The following WNK2 variants were observed in gnomAD, a reference collection of about 807,000 sequenced individuals.
WNK2 encodes serine/threonine-protein kinase WNK2.
A neutral mutation model predicts 192.1 loss-of-function variants in WNK2; 67 were observed. That is an observed-to-expected ratio of 0.35 (90% CI 0.29 to 0.43). WNK2 has a LOEUF of 0.43. Ranked by LOEUF, WNK2 falls within the 20% of genes least tolerant of loss-of-function variation. WNK2 has a pLI of 1.00. For missense variants in WNK2, 2,698 were observed against 3,089.7 expected, an observed-to-expected ratio of 0.87 and a Z score of 3.01; for synonymous variants, 1,439 against 1,393.9, an observed-to-expected ratio of 1.03 and a Z score of -0.72.
At chr9:93,194,311 C>T (rs1294486512) in intron 2 of WNK2, among the ~76,000 whole-genome samples, 1 of 152,098 alleles carries the variant, frequency 6.6e-6, no homozygotes, top group African/African-American at 2.4e-5. Context: ...TGCAAATGAC[C>T]CATCTGCTTA....
intron 7 of WNK2, among the ~76,000 whole-genome samples, chr9:93,246,965 T>C (rs1841815745): frequency 6.6e-6 from 1 of 152,254 alleles, no homozygotes; most frequent in African/African-American, 2.4e-5. Flanking sequence ...GCTCATGATG[T>C]TTCCTGGAGA....
intron 2 of WNK2, among the ~76,000 whole-genome samples, chr9:93,188,803 C>T (rs956626036): frequency 6.6e-6 from 1 of 152,190 alleles, no homozygotes; most frequent in Non-Finnish European, 1.5e-5. Context: ...CTGGCCTGAC[C>T]TTCTACAAGA....
chr9:93,208,741 G>GTTCTTCGTGTGTGTGTTA (rs796770382), intron 2 of WNK2, among the ~76,000 whole-genome samples: 1 of 4,482 alleles, frequency 2.2e-4, no homozygotes, highest in Non-Finnish European at 2.7e-3. Flanking sequence ...TTCTGTGTGT[G>GTTCTTCGTGTGTGTGTTA]TTCATGTGTG....
intron 27 of WNK2, chr9:93,308,029 G>A: frequency 4.5e-6 from 2 of 440,970 alleles, no homozygotes; most frequent in Non-Finnish European, 8.1e-6. Context: ...TCTGGGGATG[G>A]GCAGCGGTGG....
intron 6 of WNK2, among the ~76,000 whole-genome samples, 155 bp downstream of exon 6, chr9:93,238,476 C>T (rs1040239060): frequency 2.0e-5 from 3 of 152,212 alleles, no homozygotes; most frequent in Non-Finnish European, 2.9e-5. Context: ...GTGAGCATGT[C>T]GGCCCTGAGT....
chr9:93,299,114 G>A lies in WNK2; in HGVS notation c.5968G>A (p.Ala1990Thr). ...SSRGPPAKDP[A>T]QASVGLTADS... ...CAGAGGCCCTCCCGCTAAGGACCCT[G>A]CCCAAGCCAGTGTGGGGCTCACTGC... Residue 1990 changes from alanine to threonine, a missense_variant, in exon 25 of 30, where the codon GCC (alanine) becomes ACC (threonine). Physicochemically the swap from Ala to Thr is moderately conservative, Grantham distance 58. This residue lies in a region of WNK2 where 1,098 missense variants were observed against 1,101.0 expected (regional missense o/e 1.00). Coordinates refer to ENST00000427277, the MANE Select transcript of WNK2 (RefSeq NM_006648.4). 2.5e-6 allele frequency: 4 copies of A among 1,611,704 alleles called. No individual in the cohort carries two copies. The highest frequency in any genetic ancestry group is 3.4e-6 in the Non-Finnish European group (4 of 1,179,682).
At chr9:93,232,713 T>C (rs1839041914) in intron 4 of WNK2, among the ~76,000 whole-genome samples, 1 of 152,122 alleles carries the variant, frequency 6.6e-6, no homozygotes, top group Non-Finnish European at 1.5e-5. Context: ...CAGGTTGAGA[T>C]GAAGGCCAGG....
intron 5 of WNK2, among the ~76,000 whole-genome samples, chr9:93,235,911 T>A (rs1839744813): frequency 6.6e-6 from 1 of 152,218 alleles, no homozygotes; most frequent in South Asian, 2.1e-4. Flanking sequence ...CCTTGCAGAT[T>A]ACCTGCATTT....
chr9:93,262,166 T>G (rs75905684), intron 13 of WNK2, 59 bp downstream of exon 13: 3 of 1,510,004 alleles, frequency 2.0e-6, no homozygotes, highest in Admixed American at 2.0e-5. Flanking sequence ...ACCGGGGATC[T>G]GCATAGTGAC....
At chr9:93,222,687 G>T (rs566502275) in intron 2 of WNK2, among the ~76,000 whole-genome samples, 1 of 152,234 alleles carries the variant, frequency 6.6e-6, no homozygotes, top group South Asian at 2.1e-4. Flanking sequence ...TTATAATGAT[G>T]TCCTTTTTTT....
intron 2 of WNK2, among the ~76,000 whole-genome samples, chr9:93,226,880 G>A (rs1024982300): frequency 2.6e-5 from 4 of 152,256 alleles, no homozygotes; most frequent in Admixed American, 6.5e-5. Context: ...CAAATGTTTC[G>A]GTGGTTTCCA....
At chr9:93,293,350 C>T (rs1464555340) in intron 23 of WNK2, among the ~76,000 whole-genome samples, 177 bp downstream of exon 23, 2 of 148,566 alleles carry the variant, frequency 1.3e-5, no homozygotes, top group Non-Finnish European at 3.0e-5. Flanking sequence ...GAGACAGTCT[C>T]GCTCTGTCAC....
intron 2 of WNK2, among the ~76,000 whole-genome samples, chr9:93,227,039 C>T (rs34386105): frequency 0.037 from 5,646 of 151,940 alleles, 146 homozygotes; most frequent in Non-Finnish European, 0.06. Flanking sequence ...CTGAGGGCTG[C>T]GCCACCTGAA....
chr9:93,294,146 G>A (rs374714548), intron 23 of WNK2, among the ~76,000 whole-genome samples: 12 of 152,242 alleles, frequency 7.9e-5, no homozygotes, highest in African/African-American at 2.2e-4. Context: ...AGGCTTATGT[G>A]GGAAGAGCCG....
intron 7 of WNK2, among the ~76,000 whole-genome samples, chr9:93,241,510 C>T (rs1455957014): frequency 6.6e-6 from 1 of 152,182 alleles, no homozygotes; most frequent in Non-Finnish European, 1.5e-5. Flanking sequence ...CAGTTCCAGG[C>T]TGATGATTCT....
At chr9:93,202,340 G>A (rs1832567253) in intron 2 of WNK2, among the ~76,000 whole-genome samples, 4 of 142,086 alleles carry the variant, frequency 2.8e-5, no homozygotes, top group African/African-American at 9.9e-5. Context: ...GTGTGTGTGT[G>A]TGTGTGTGTG....
At chr9:93,299,636 C>T (rs937218108) in intron 25 of WNK2, among the ~76,000 whole-genome samples, 4 of 151,982 alleles carry the variant, frequency 2.6e-5, no homozygotes, top group East Asian at 3.9e-4. Context: ...TGCTAAACAC[C>T]GGGTCCTTCC....
chr9:93,287,063 G>A (rs1389140503), intron 19 of WNK2, among the ~76,000 whole-genome samples: 1 of 152,222 alleles, frequency 6.6e-6, no homozygotes, highest in East Asian at 1.9e-4. Context: ...TATATAAGCT[G>A]AGTAAGCTCT....
In WNK2 at chr9:93,288,777, A is replaced by G. The variant is rs1848849535; in HGVS notation, c.4034-11A>G. ...ACCCTGGTACAAAGGCATTTTCCCCATTTCTTCTAGATTCAGCGCCCTATA... is the reference window on the plus strand; with the variant it reads ...ACCCTGGTACAAAGGCATTTTCCCCGTTTCTTCTAGATTCAGCGCCCTATA... On this transcript the variant is annotated splice_polypyrimidine_tract_variant and intron_variant, in intron 19 of 29. Coordinates refer to ENST00000427277, the MANE Select transcript of WNK2 (RefSeq NM_006648.4). 2 of 1,601,760 alleles carry G rather than the reference A, an allele frequency of 1.2e-6. No individual in the cohort carries two copies. Among genetic ancestry groups the G allele is most frequent in the Non-Finnish European group, 8.5e-7 (1 of 1,175,300 alleles).
Sources: gnomAD v4.1 joint callset for allele counts (sites outside exome capture counted in the v4.1 genomes callset) on GRCh38, gnomAD v4.1.1 for gene constraint, gnomAD v4.1.1 regional missense constraint, MANE v1.5 for transcripts, NCBI Gene and HGNC (gene_info 2026-07-23, HGNC 2026-07-21) for gene names.